The following MARCHF1 variants were observed in gnomAD, a reference collection of about 807,000 sequenced individuals.
MARCHF1 encodes the protein membrane associated ring-CH-type finger 1, also known as E3 ubiquitin-protein ligase MARCHF1.
Under a neutral mutation model 54.2 loss-of-function variants are expected in MARCHF1, and 40 were observed. That is an observed-to-expected ratio of 0.74 (90% confidence interval 0.57 to 0.96). The LOEUF is 0.96. Among genes scored for constraint, MARCHF1 ranks in the 40% least tolerant of loss-of-function variants. The pLI, the probability that MARCHF1 is intolerant of heterozygous loss-of-function variation, is 0.00. For missense variants in MARCHF1, 586 were observed against 656.5 expected (o/e 0.89, Z 1.17); for synonymous variants, 236 against 236.3 (o/e 1.00, Z 0.01).
chr4:163,947,312 T>A lies in MARCHF1; in HGVS notation c.-39+41189A>T, dbSNP rs556910987. On this transcript the variant is annotated intron_variant, in intron 3 of 9. Transcript: ENST00000514618. ...CTGTGGTCCTAACAATCTTAGTAGC[T>A]ATGGTAGCCAGAATAATGTTCCCAA... is the stretch of plus-strand genomic sequence containing the variant. Among the ~76,000 whole-genome samples the A allele has an allele frequency of 5.3e-5, 8 of 152,304 alleles. No individual in the cohort carries two copies. The East Asian group carries it at 1.5e-3, about 29-fold the overall frequency.
intron 3 of MARCHF1, among the ~76,000 whole-genome samples, chr4:163,924,046 T>A (rs929023377): frequency 5.3e-5 from 8 of 152,202 alleles, no homozygotes; most frequent in Admixed American, 2.6e-4. Flanking sequence ...TGTGTTAAAA[T>A]GTATTTAAAT....
At chr4:163,780,810 T>C (rs76739370) in intron 4 of MARCHF1, among the ~76,000 whole-genome samples, 3,615 of 152,228 alleles carry the variant, frequency 0.024, 113 homozygotes, top group African/African-American at 0.081. Flanking sequence ...TTTGGCAGGG[T>C]TGTCTGCATA....
At chr4:163,674,359 T>A (rs527640173) in intron 5 of MARCHF1, among the ~76,000 whole-genome samples, 4 of 152,290 alleles carry the variant, frequency 2.6e-5, no homozygotes, top group Admixed American at 2.0e-4. Context: ...AAAAATGTGA[T>A]GGGCTGAGAA....
At chr4:163,787,761 G>C (rs75938147) in intron 4 of MARCHF1, among the ~76,000 whole-genome samples, 1 of 151,864 alleles carries the variant, frequency 6.6e-6, no homozygotes, top group Non-Finnish European at 1.5e-5. Context: ...CGATCTTAAA[G>C]AAATATCTGC....
chr4:163,642,294 T>C (rs978696601), intron 5 of MARCHF1, among the ~76,000 whole-genome samples: 2 of 152,214 alleles, frequency 1.3e-5, no homozygotes, highest in African/African-American at 4.8e-5. Context: ...TTTTTTTCTT[T>C]TAATAAAGAT....
intron 3 of MARCHF1, among the ~76,000 whole-genome samples, chr4:163,945,510 T>C (rs957063141): frequency 5.9e-5 from 9 of 152,138 alleles, no homozygotes; most frequent in African/African-American, 2.2e-4. Context: ...GTTAAGTTAG[T>C]AAAGAAAAAC....
At chr4:164,026,881 C>A (rs147027890) in intron 2 of MARCHF1, among the ~76,000 whole-genome samples, 1 of 152,116 alleles carries the variant, frequency 6.6e-6, no homozygotes, top group East Asian at 1.9e-4. Context: ...AATAAATGAC[C>A]AGTAAAGTTT....
At chr4:163,867,492 T>G (rs533739721) in intron 3 of MARCHF1, among the ~76,000 whole-genome samples, 1 of 151,696 alleles carries the variant, frequency 6.6e-6, no homozygotes, top group South Asian at 2.1e-4. Context: ...AATAATAAAC[T>G]TATTATATAT....
chr4:163,659,948 G>T (rs1743287503), intron 5 of MARCHF1, among the ~76,000 whole-genome samples: 1 of 152,110 alleles, frequency 6.6e-6, no homozygotes, highest in Non-Finnish European at 1.5e-5. Flanking sequence ...CTTTTACACT[G>T]TTAGTGGGAC....
At chr4:163,770,714 C>A (rs1035239175) in intron 4 of MARCHF1, among the ~76,000 whole-genome samples, 5 of 151,932 alleles carry the variant, frequency 3.3e-5, no homozygotes, top group African/African-American at 1.2e-4. Flanking sequence ...TTGCTAGAAG[C>A]AAAGAACTAA....
At chr4:163,796,714 C>G (rs186415769) in intron 4 of MARCHF1, among the ~76,000 whole-genome samples, 15 of 152,000 alleles carry the variant, frequency 9.9e-5, no homozygotes, top group African/African-American at 3.6e-4. Context: ...ATTGTTCTTT[C>G]CCCTATTCTG....
At chr4:164,101,967 G>C (rs371929629) in intron 2 of MARCHF1, among the ~76,000 whole-genome samples, 112,238 of 134,886 alleles carry the variant, frequency 0.83, 47,352 homozygotes, top group Non-Finnish European at 0.89. Flanking sequence ...CGTGAAGAAT[G>C]CAGAAGCCTC....
At chr4:163,917,558 G>C (rs1751337042) in intron 3 of MARCHF1, among the ~76,000 whole-genome samples, 1 of 152,048 alleles carries the variant, frequency 6.6e-6, no homozygotes, top group Admixed American at 6.6e-5. Context: ...ATCTTCTTTG[G>C]TGAGGTGTCT....
At chr4:164,268,476 C>T (rs1471946537) in intron 1 of MARCHF1, among the ~76,000 whole-genome samples, 2 of 152,154 alleles carry the variant, frequency 1.3e-5, no homozygotes, top group Non-Finnish European at 2.9e-5. Flanking sequence ...CTCCCACTGT[C>T]CATCTGGATA....
chr4:163,757,903 A>G (rs1260531674), intron 4 of MARCHF1, among the ~76,000 whole-genome samples: 2 of 152,208 alleles, frequency 1.3e-5, no homozygotes, highest in Non-Finnish European at 2.9e-5. Context: ...GCTTGAGTCC[A>G]GCCTATTAAT....
At chr4:163,584,909 T>C (rs1740357389) in intron 8 of MARCHF1, 1 of 152,212 alleles carries the variant, frequency 6.6e-6, no homozygotes, top group Non-Finnish European at 1.5e-5. Context: ...CCTTGGAAAC[T>C]GAGGCAGCCA....
intron 1 of MARCHF1, among the ~76,000 whole-genome samples, chr4:164,200,000 C>A (rs1164150500): frequency 1.3e-5 from 2 of 152,170 alleles, no homozygotes; most frequent in Non-Finnish European, 1.5e-5. Flanking sequence ...TTTCCTGGGA[C>A]CTCCTTGCAA....
At chr4:163,924,641 T>A (rs1335218541) in intron 3 of MARCHF1, among the ~76,000 whole-genome samples, 5 of 151,984 alleles carry the variant, frequency 3.3e-5, no homozygotes, top group Non-Finnish European at 7.4e-5. Flanking sequence ...TTGATCATGT[T>A]GACAATAGTA....
intron 4 of MARCHF1, among the ~76,000 whole-genome samples, chr4:163,824,995 G>T (rs1459797761): frequency 3.3e-5 from 5 of 151,292 alleles, no homozygotes; most frequent in Admixed American, 6.6e-5. Context: ...GAAACAACAG[G>T]TGCTGGAGAG....
Sources: gnomAD v4.1 joint callset for allele counts (sites outside exome capture counted in the v4.1 genomes callset) on GRCh38, gnomAD v4.1.1 for gene constraint, MANE v1.5 for transcripts, NCBI Gene and HGNC (gene_info 2026-07-23, HGNC 2026-07-21) for gene names.